Variants in AJAP1 observed in about 807,000 individuals in gnomAD.
The protein encoded by AJAP1 is adherens junctions associated protein 1, also known as adherens junction-associated protein 1.
Under a neutral mutation model 35.0 loss-of-function variants are expected in AJAP1, and 5 were observed. That is an observed-to-expected ratio of 0.14 (90% CI 0.07 to 0.30). AJAP1 has a LOEUF of 0.30. AJAP1 is among the 10% of genes least tolerant of loss of function. The pLI, the probability that AJAP1 is intolerant of heterozygous loss-of-function variation, is 1.00. For missense variants in AJAP1, 586 were observed against 571.0 expected (o/e 1.03, Z -0.27); for synonymous variants, 284 against 249.3 (o/e 1.14, Z -1.31).
intron 2 of AJAP1, among the ~76,000 whole-genome samples, chr1:4,730,387 C>A (rs974586145): frequency 6.6e-6 from 1 of 152,210 alleles, no homozygotes; most frequent in Non-Finnish European, 1.5e-5. Flanking sequence ...CAGAGCCAGG[C>A]TGAATCCGCA....
At chr1:4,716,806 C>T (rs567747844) in intron 2 of AJAP1, among the ~76,000 whole-genome samples, 1 of 151,980 alleles carries the variant, frequency 6.6e-6, no homozygotes, top group African/African-American at 2.4e-5. Context: ...ATGATGGTTA[C>T]CATTGTGCTA....
chr1:4,785,711 A>G lies in AJAP1; in HGVS notation c.*3226A>G, dbSNP rs952384458. 6.6e-6 allele frequency: 1 copy of G among 152,082 alleles called. No individual in the cohort carries two copies. Among genetic ancestry groups the G allele is most frequent in the Admixed American group, 6.6e-5 (1 of 15,266 alleles). 9.4% of individuals were successfully genotyped at this position (152,082 alleles called of 1,614,324 possible). ...GCTTGACCCCTGGAATTCAGAGTCT[A>G]ATAGTAGACACCTCCCATCCCCCAC... is the stretch of plus-strand genomic sequence containing the variant. On this transcript the variant is annotated 3_prime_UTR_variant, in exon 6 of 6. Coordinates refer to ENST00000378191, the MANE Select transcript of AJAP1 (RefSeq NM_018836.4).
intron 1 of AJAP1, among the ~76,000 whole-genome samples, chr1:4,689,446 C>T (rs533273551): frequency 5.9e-5 from 9 of 152,232 alleles, no homozygotes; most frequent in Admixed American, 2.6e-4. Flanking sequence ...AAGGCGGAGG[C>T]GGGGGGCGTT....
rs551468697 is a variant in AJAP1 at position 4,717,897 on chromosome 1, G to C, written c.829+5198G>C. ...ATGCTGAGCCCATTTTAATTAAGTT[G>C]CTGGGTGTTTGCTACCAGGGAAGTG... On this transcript the variant is annotated intron_variant, in intron 2 of 5. Coordinates refer to ENST00000378191, the MANE Select transcript of AJAP1 (RefSeq NM_018836.4). Among the ~76,000 whole-genome samples, 24 of 152,316 alleles carry C rather than the reference G, an allele frequency of 1.6e-4. No individual in the cohort carries two copies. The South Asian group carries it at 5.0e-3, about 32-fold the overall frequency.
chr1:4,660,728 A>G (rs1378025882), intron 1 of AJAP1, among the ~76,000 whole-genome samples: 3 of 152,114 alleles, frequency 2.0e-5, no homozygotes, highest in African/African-American at 4.8e-5. Flanking sequence ...GGGGTAAAAA[A>G]ATTGTTTTAC....
At chr1:4,694,014 G>A (rs140917253) in intron 1 of AJAP1, among the ~76,000 whole-genome samples, 1 of 152,224 alleles carries the variant, frequency 6.6e-6, no homozygotes, top group Non-Finnish European at 1.5e-5. Context: ...AGGCAGGTGG[G>A]GTAGGGTGAG....
At chr1:4,658,806 A>G (rs940153909) in intron 1 of AJAP1, among the ~76,000 whole-genome samples, 1 of 152,126 alleles carries the variant, frequency 6.6e-6, no homozygotes, top group African/African-American at 2.4e-5. Flanking sequence ...GAGCAGGGCA[A>G]CGCAGCTCAG....
intron 2 of AJAP1, among the ~76,000 whole-genome samples, chr1:4,749,748 T>G (rs1456346566): frequency 6.6e-6 from 1 of 152,184 alleles, no homozygotes; most frequent in Non-Finnish European, 1.5e-5. Context: ...ATGAAGGGTG[T>G]GTGGGTGTGT....
chr1:4,751,411 C>A (rs1641318054), intron 2 of AJAP1, among the ~76,000 whole-genome samples: 1 of 152,238 alleles, frequency 6.6e-6, no homozygotes, highest in Non-Finnish European at 1.5e-5. Flanking sequence ...GGTCCCAGCC[C>A]ACAGCCAGGT....
chr1:4,706,324 C>T (rs1052011425), intron 1 of AJAP1, among the ~76,000 whole-genome samples: 14 of 152,194 alleles, frequency 9.2e-5, no homozygotes, highest in East Asian at 3.9e-4. Flanking sequence ...TCTTCTTCAA[C>T]GAGGAGGCGG....
chr1:4,766,030 C>T (rs557942368), intron 2 of AJAP1, among the ~76,000 whole-genome samples: 3 of 152,338 alleles, frequency 2.0e-5, no homozygotes, highest in South Asian at 4.1e-4. Flanking sequence ...CAAGCATTAA[C>T]CGATCATCCA....
At chr1:4,746,241 T>C (rs2100324626) in intron 2 of AJAP1, among the ~76,000 whole-genome samples, 1 of 152,274 alleles carries the variant, frequency 6.6e-6, no homozygotes, top group African/African-American at 2.4e-5. Context: ...GCCTCCTCTA[T>C]ATCTCTATGT....
chr1:4,755,351 A>C (rs1641405000), intron 2 of AJAP1, among the ~76,000 whole-genome samples: 1 of 151,932 alleles, frequency 6.6e-6, no homozygotes, highest in East Asian at 1.9e-4. Context: ...CCCCACACTT[A>C]AGATTGCATT....
At chr1:4,762,446 C>T (rs1271260140) in intron 2 of AJAP1, among the ~76,000 whole-genome samples, 2 of 152,312 alleles carry the variant, frequency 1.3e-5, no homozygotes, top group South Asian at 2.1e-4. Flanking sequence ...CTGGGGTCAG[C>T]CATGCCAAGG....
At chr1:4,706,592 C>T (rs76980558) in intron 1 of AJAP1, among the ~76,000 whole-genome samples, 18,773 of 152,090 alleles carry the variant, frequency 0.12, 1,304 homozygotes, top group African/African-American at 0.2. Context: ...TGGGCTGTTC[C>T]CCGGTGGAAC....
intron 1 of AJAP1, among the ~76,000 whole-genome samples, chr1:4,665,120 G>C (rs1243992843): frequency 6.6e-6 from 1 of 151,906 alleles, no homozygotes; most frequent in African/African-American, 2.4e-5. Flanking sequence ...TTTTTGTCAA[G>C]AGAAAATTCA....
chr1:4,662,249 G>A (rs572782411), intron 1 of AJAP1, among the ~76,000 whole-genome samples: 13 of 152,092 alleles, frequency 8.5e-5, no homozygotes, highest in Non-Finnish European at 1.8e-4. Flanking sequence ...AGCAATCCCC[G>A]TTCCTGCCTC....
At position 4,749,753 on chromosome 1, in the gene AJAP1, G is replaced by T. The variant is rs566153660; in HGVS notation, c.830-20100G>T. Among the ~76,000 whole-genome samples the T allele has an allele frequency of 5.9e-5, 9 of 152,334 alleles. No individual in the cohort carries two copies. In the East Asian group the frequency reaches 1.5e-3, roughly 26 times the overall value. ...CAGGTGTTTCATGAAGGGTGTGTGG[G>T]TGTGTGTGTGGCACAGCTTGTGCCT... On this transcript the variant is annotated intron_variant, in intron 2 of 5. Transcript: ENST00000378191.
chr1:4,730,598 G>T (rs1364897094), intron 2 of AJAP1, among the ~76,000 whole-genome samples: 2 of 152,214 alleles, frequency 1.3e-5, no homozygotes, highest in Non-Finnish European at 2.9e-5. Flanking sequence ...CTGCGGGGCT[G>T]CCCCTCTGCA....
Sources: gnomAD v4.1 joint callset for allele counts (sites outside exome capture counted in the v4.1 genomes callset) on GRCh38, gnomAD v4.1.1 for gene constraint, MANE v1.5 for transcripts, NCBI Gene and HGNC (gene_info 2026-07-23, HGNC 2026-07-21) for gene names.